Variants in MCC observed in about 807,000 individuals in gnomAD.
MCC encodes the protein MCC regulator of Wnt signaling pathway, also known as colorectal mutant cancer protein.
A neutral mutation model predicts 116.2 loss-of-function variants in MCC; 90 were observed. That is an observed-to-expected ratio of 0.77 (90% CI 0.65 to 0.92). The LOEUF is 0.92. Among genes scored for constraint, MCC ranks in the 40% least tolerant of loss-of-function variants. The pLI, the probability that MCC is intolerant of heterozygous loss-of-function variation, is 0.00. For missense variants in MCC, 1,516 were observed against 1,312.2 expected (o/e 1.16, Z -2.40); for synonymous variants, 578 against 510.5 (o/e 1.13, Z -1.78).
chr5:113,192,333 G>A (rs925613029), intron 3 of MCC, among the ~76,000 whole-genome samples: 1 of 152,184 alleles, frequency 6.6e-6, no homozygotes, highest in African/African-American at 2.4e-5. Context: ...GGACAACCTT[G>A]TTGTCAACGT....
chr5:113,256,122 T>C (rs1764993078), intron 3 of MCC, among the ~76,000 whole-genome samples: 1 of 152,206 alleles, frequency 6.6e-6, no homozygotes, highest in South Asian at 2.1e-4. Flanking sequence ...TGAATCCAAA[T>C]GGAAGGTTCT....
chr5:113,380,426 T>C (rs1294868946), intron 2 of MCC, among the ~76,000 whole-genome samples: 1 of 152,194 alleles, frequency 6.6e-6, no homozygotes, highest in Non-Finnish European at 1.5e-5. Context: ...CACAATCACA[T>C]TATAAGTTAT....
chr5:113,239,699 G>C (rs1764290163), intron 3 of MCC, among the ~76,000 whole-genome samples: 1 of 152,182 alleles, frequency 6.6e-6, no homozygotes, highest in Non-Finnish European at 1.5e-5. Flanking sequence ...GGCTTCTGTG[G>C]ATGCAGTCTA....
At chr5:113,074,122 C>A (rs1457045457) in intron 11 of MCC, among the ~76,000 whole-genome samples, 1 of 152,224 alleles carries the variant, frequency 6.6e-6, no homozygotes, top group African/African-American at 2.4e-5. Flanking sequence ...AACTGGGAGA[C>A]ACCTCCCAGT....
intron 11 of MCC, among the ~76,000 whole-genome samples, chr5:113,074,992 G>C (rs1046921262): frequency 6.6e-6 from 1 of 152,244 alleles, no homozygotes; most frequent in African/African-American, 2.4e-5. Flanking sequence ...ACTGCACTGT[G>C]GGGGCCCCTC....
At chr5:113,407,612 G>C (rs1301166664) in intron 1 of MCC, among the ~76,000 whole-genome samples, 5 of 152,054 alleles carry the variant, frequency 3.3e-5, no homozygotes, top group Non-Finnish European at 1.5e-5. Flanking sequence ...GCATTCATTT[G>C]GTTAAACTCC....
At chr5:113,315,739 T>C (rs1303575582) in intron 3 of MCC, among the ~76,000 whole-genome samples, 1 of 149,508 alleles carries the variant, frequency 6.7e-6, no homozygotes, top group African/African-American at 2.5e-5. Flanking sequence ...TAGCAAGGCA[T>C]TGTGGTGTGC....
Position 113,122,830 on chromosome 5 carries a change from AG to A in MCC, c.885-5del. On this transcript the variant is annotated splice_region_variant and splice_polypyrimidine_tract_variant and intron_variant, in intron 5 of 18. Transcript: ENST00000408903. ...TTCTGAGTACTCATCTTCCTCCCTG[AG>A]AAAAAAGGAGAATTGGCAACCACTA... 1 of 1,614,096 alleles carries A rather than the reference AG, an allele frequency of 6.2e-7. No individual in the cohort carries two copies. Among genetic ancestry groups the A allele is most frequent in the Non-Finnish European group, 8.5e-7 (1 of 1,179,968 alleles).
At position 113,340,531 on chromosome 5, in the gene MCC, C is replaced by T. The variant is rs1767983034; in HGVS notation, c.615G>A (p.Glu205=). 3.1e-6 allele frequency: 5 copies of T among 1,614,030 alleles called. No homozygotes were observed. Among genetic ancestry groups the T allele is most frequent in the Admixed American group, 3.3e-5 (2 of 59,998 alleles). Residue 205 remains glutamate (E), a synonymous_variant, in exon 3 of 19, where the codon GAG becomes GAA. Transcript: ENST00000408903. ...IGNSVGGSYL[E]LANTLHSAAL... is the part of the protein sequence containing the mutation. ...AAAAAGTACTCACTGTGTTGGCCAGCTCTAGATAGCTTCCTCCTACAGAGT... is the reference window on the plus strand; with the variant it reads ...AAAAAGTACTCACTGTGTTGGCCAGTTCTAGATAGCTTCCTCCTACAGAGT...
intron 3 of MCC, among the ~76,000 whole-genome samples, chr5:113,163,596 AGGGATGTCAAGAGGCT>A (rs1464114334): frequency 1.3e-5 from 2 of 152,166 alleles, no homozygotes; most frequent in Non-Finnish European, 2.9e-5. Flanking sequence ...CCAAGAAGGC[AGGGATGTCAAGAGGCT>A]GGGGAAATAG....
rs76415393 is a variant in MCC, at chr5:113,244,722, T to G, written c.628-93300A>C. Among the ~76,000 whole-genome samples the G allele has an allele frequency of 8.6e-3, 1,308 of 152,314 alleles. 22 individuals are homozygous for G. Among genetic ancestry groups the G allele is most frequent in the African/African-American group, 0.03 (1,256 of 41,572 alleles). On this transcript the variant is annotated intron_variant, in intron 3 of 18. Coordinates refer to ENST00000408903, the MANE Select transcript of MCC (RefSeq NM_001085377.2). ...TTTACTGATTTCCACTCTTGGAGGC[T>G]AGAAGTAAAGATAGCTAAACAATAG...
intron 17 of MCC, among the ~76,000 whole-genome samples, chr5:113,034,735 C>G (rs187449697): frequency 6.6e-6 from 1 of 152,208 alleles, no homozygotes; most frequent in African/African-American, 2.4e-5. Flanking sequence ...TCTCCACTGA[C>G]GTGGATCACT....
At chr5:113,107,339 TCCC>T (rs1756806130) in intron 6 of MCC, among the ~76,000 whole-genome samples, 1 of 151,576 alleles carries the variant, frequency 6.6e-6, no homozygotes, top group South Asian at 2.1e-4. Context: ...TATCTCAGCC[TCCC>T]GAGTAGCTTG....
chr5:113,223,727 A>G (rs1334913982), intron 3 of MCC, among the ~76,000 whole-genome samples: 3 of 152,236 alleles, frequency 2.0e-5, no homozygotes, highest in African/African-American at 7.2e-5. Flanking sequence ...AGAAACTGGT[A>G]AACTGGTCAG....
At chr5:113,204,058 C>A (rs1030553952) in intron 3 of MCC, among the ~76,000 whole-genome samples, 2 of 152,158 alleles carry the variant, frequency 1.3e-5, no homozygotes, top group Non-Finnish European at 2.9e-5. Context: ...CTATCCACAG[C>A]CTTTCTGGGC....
chr5:113,401,952 C>T (rs1020263883), intron 1 of MCC, among the ~76,000 whole-genome samples: 4 of 151,670 alleles, frequency 2.6e-5, no homozygotes, highest in Admixed American at 2.0e-4. Context: ...TGGGCTCAAG[C>T]GATCCTCCTG....
At chr5:113,085,720 C>G (rs1755161841) in intron 8 of MCC, among the ~76,000 whole-genome samples, 1 of 152,034 alleles carries the variant, frequency 6.6e-6, no homozygotes, top group South Asian at 2.1e-4. Context: ...GAGACAGGGT[C>G]TTGCTCTGCT....
chr5:113,268,563 T>A (rs551014351), intron 3 of MCC, among the ~76,000 whole-genome samples: 1 of 152,194 alleles, frequency 6.6e-6, no homozygotes, highest in African/African-American at 2.4e-5. Flanking sequence ...AGCTAGATGA[T>A]ACGACATCTT....
chr5:113,312,982 T>C lies in MCC; in HGVS notation c.627+27537A>G, dbSNP rs1211095333. ...TCCTCTTGATAAGCTCACAGTCTAGTGGGGAAGAGAGACACACAAAAAACA... is the reference window on the plus strand; with the variant it reads ...TCCTCTTGATAAGCTCACAGTCTAGCGGGGAAGAGAGACACACAAAAAACA... On this transcript the variant is annotated intron_variant, in intron 3 of 18. Coordinates refer to ENST00000408903, the MANE Select transcript of MCC (RefSeq NM_001085377.2). 2.0e-5 allele frequency among the ~76,000 whole-genome samples: 3 copies of C among 152,056 alleles called. No individual in the cohort carries two copies. The East Asian group carries it at 5.8e-4, about 29-fold the overall frequency.
Sources: gnomAD v4.1 joint callset for allele counts (sites outside exome capture counted in the v4.1 genomes callset) on GRCh38, gnomAD v4.1.1 for gene constraint, MANE v1.5 for transcripts, NCBI Gene and HGNC (gene_info 2026-07-23, HGNC 2026-07-21) for gene names.